The following SGCD variants were observed in gnomAD, a reference collection of about 807,000 sequenced individuals.
SGCD encodes the protein sarcoglycan delta, also known as delta-sarcoglycan.
In SGCD, 18 loss-of-function variants were observed where a neutral mutation model predicts 36.6. The observed-to-expected ratio is 0.49, with a 90% confidence interval of 0.34 to 0.73. The LOEUF (loss-of-function observed/expected upper bound fraction) is 0.73, where lower values mean the gene tolerates loss of function less well. Ranked by LOEUF, SGCD falls within the 30% of genes least tolerant of loss-of-function variation. The probability of loss-of-function intolerance (pLI) is 0.01; values close to 1 mark genes in which losing one functional copy is unlikely to be tolerated. For synonymous variants in SGCD, 133 were observed against 130.6 expected (o/e 1.02, Z -0.12); for missense variants, 387 against 346.7 (o/e 1.12, Z -0.92).
intron 6 of SGCD, among the ~76,000 whole-genome samples, chr5:156,615,610 T>A (rs896297443): frequency 6.6e-6 from 1 of 152,210 alleles, no homozygotes; most frequent in Non-Finnish European, 1.5e-5. Flanking sequence ...ACTCATTAAA[T>A]GTGTATGTCT....
At chr5:156,536,137 A>G (rs1376997350) in intron 4 of SGCD, among the ~76,000 whole-genome samples, 3 of 151,366 alleles carry the variant, frequency 2.0e-5, no homozygotes, top group Admixed American at 1.3e-4. Flanking sequence ...CTGATGTTCT[A>G]CCACTACTTT....
intron 1 of SGCD, among the ~76,000 whole-genome samples, chr5:156,028,762 A>G (rs997223792): frequency 6.6e-6 from 1 of 152,228 alleles, no homozygotes; most frequent in Non-Finnish European, 1.5e-5. Context: ...AAAGAGATTT[A>G]ATATTTTCTC....
At chr5:156,490,784 A>G (rs1755904115) in intron 3 of SGCD, among the ~76,000 whole-genome samples, 1 of 151,990 alleles carries the variant, frequency 6.6e-6, no homozygotes, top group Admixed American at 6.6e-5. Flanking sequence ...CCTTTCCTGT[A>G]AGGACTGAAA....
At chr5:155,937,593 G>T (rs1375636903) in intron 1 of SGCD, among the ~76,000 whole-genome samples, 1 of 152,162 alleles carries the variant, frequency 6.6e-6, no homozygotes, top group Non-Finnish European at 1.5e-5. Flanking sequence ...GATAATATTT[G>T]GGATAGCTGT....
intron 3 of SGCD, among the ~76,000 whole-genome samples, chr5:156,191,830 G>T (rs1430662489): frequency 6.6e-6 from 1 of 152,148 alleles, no homozygotes; most frequent in African/African-American, 2.4e-5. Context: ...CTGCAGGAGT[G>T]CTTGGCAGGT....
At chr5:156,075,852 T>G (rs1417944696) in intron 1 of SGCD, among the ~76,000 whole-genome samples, 1 of 152,198 alleles carries the variant, frequency 6.6e-6, no homozygotes, top group Non-Finnish European at 1.5e-5. Flanking sequence ...CATCATTTTC[T>G]ACTTGCAGCT....
intron 1 of SGCD, among the ~76,000 whole-genome samples, chr5:156,028,443 T>G (rs1267639088): frequency 1.3e-5 from 2 of 152,166 alleles, no homozygotes; most frequent in Non-Finnish European, 2.9e-5. Flanking sequence ...GGCCAGTTAT[T>G]TACCCTCTAA....
chr5:156,084,000 A>G (rs899200451), intron 1 of SGCD, among the ~76,000 whole-genome samples: 1 of 152,158 alleles, frequency 6.6e-6, no homozygotes, highest in South Asian at 2.1e-4. Flanking sequence ...ATGATTACTT[A>G]GCCATACAGT....
chr5:156,274,593 G>T (rs1766268836), intron 3 of SGCD, among the ~76,000 whole-genome samples: 1 of 152,078 alleles, frequency 6.6e-6, no homozygotes, highest in Non-Finnish European at 1.5e-5. Flanking sequence ...TGGCTCCAGA[G>T]TACTATATGA....
intron 1 of SGCD, among the ~76,000 whole-genome samples, chr5:156,021,918 G>A (rs548347767): frequency 2.0e-5 from 3 of 152,156 alleles, no homozygotes; most frequent in Non-Finnish European, 2.9e-5. Flanking sequence ...TCCATTTAAA[G>A]TGTATAATTC....
At chr5:155,730,694 A>C in the SGCD span, among the ~76,000 whole-genome samples, 3 of 152,124 alleles carry the variant, frequency 2.0e-5, no homozygotes, top group Non-Finnish European at 4.4e-5. Context: ...AAACAAAGTG[A>C]TGGACACTCC....
chr5:155,906,957 G>A (rs1053361326), intron 1 of SGCD, among the ~76,000 whole-genome samples: 1 of 151,944 alleles, frequency 6.6e-6, no homozygotes, highest in Non-Finnish European at 1.5e-5. Flanking sequence ...TTCATAGCTA[G>A]AGAGAAGAAA....
intron 4 of SGCD, among the ~76,000 whole-genome samples, chr5:156,562,727 T>C (rs1051335818): frequency 2.0e-5 from 3 of 151,972 alleles, no homozygotes; most frequent in African/African-American, 7.3e-5. Flanking sequence ...TAACAGGCGA[T>C]GGTGGTCTGA....
intron 6 of SGCD, among the ~76,000 whole-genome samples, chr5:156,609,977 G>T (rs193011356): frequency 6.6e-6 from 1 of 151,998 alleles, no homozygotes; most frequent in African/African-American, 2.4e-5. Flanking sequence ...TAACTTCTTT[G>T]CCATGGGTTC....
rs368282027 is a variant in SGCD, at chr5:155,927,271, A to G, written c.-282+56847A>G. On this transcript the variant is annotated intron_variant, in intron 1 of 9. Transcript: ENST00000517913. ...CAATAAGTTTTAGTTATTGTGAGCT[A>G]TTACCTGTGTTACAGTGCAGAAAGC... 5.6e-4 allele frequency among the ~76,000 whole-genome samples: 85 copies of G among 152,318 alleles called. 1 individual carries two copies. In the East Asian group the frequency reaches 9.4e-3, roughly 17 times the overall value.
chr5:156,143,165 G>C (rs1762616732), intron 3 of SGCD, among the ~76,000 whole-genome samples: 1 of 152,218 alleles, frequency 6.6e-6, no homozygotes, highest in African/African-American at 2.4e-5. Flanking sequence ...GTACAACTCA[G>C]GCCACTGCTT....
intron 3 of SGCD, among the ~76,000 whole-genome samples, chr5:156,419,109 A>G (rs1005829269): frequency 1.3e-5 from 2 of 152,120 alleles, no homozygotes; most frequent in African/African-American, 4.8e-5. Context: ...CACCCACAGA[A>G]TGCAGGTATA....
intron 3 of SGCD, among the ~76,000 whole-genome samples, chr5:156,417,082 T>TA (rs1387989763): frequency 2.6e-5 from 4 of 152,156 alleles, no homozygotes; most frequent in Admixed American, 6.5e-5. Context: ...ATGCTTTTTT[T>TA]AAAAAAATCT....
chr5:156,245,884 C>G (rs915483816), intron 3 of SGCD, among the ~76,000 whole-genome samples: 3 of 152,046 alleles, frequency 2.0e-5, no homozygotes, highest in Admixed American at 6.6e-5. Context: ...TCCACTGGCT[C>G]TCAAGAAAAG....
Sources: allele counts gnomAD v4.1 joint callset (sites outside exome capture counted in the v4.1 genomes callset), GRCh38; gene constraint gnomAD v4.1.1; transcripts MANE v1.5; gene names NCBI Gene and HGNC (gene_info 2026-07-23, HGNC 2026-07-21).